The following SGCD variants were observed in gnomAD, a reference collection of about 807,000 sequenced individuals.
SGCD encodes the protein delta-sarcoglycan.
SGCD carries 18 observed loss-of-function variants against 36.6 expected under a neutral mutation model. The ratio of observed to expected loss-of-function variants is 0.49; its 90% confidence interval spans 0.34 to 0.73. The LOEUF (loss-of-function observed/expected upper bound fraction) is 0.73. Among genes scored for constraint, SGCD ranks in the 30% least tolerant of loss-of-function variants. SGCD has a pLI of 0.01. For missense variants in SGCD, 387 were observed against 346.7 expected, an observed-to-expected ratio of 1.12 and a Z score of -0.92; for synonymous variants, 133 against 130.6, an observed-to-expected ratio of 1.02 and a Z score of -0.12.
chr5:156,410,548 T>C (rs1772683490), intron 3 of SGCD, among the ~76,000 whole-genome samples: 1 of 152,226 alleles, frequency 6.6e-6, no homozygotes, highest in Admixed American at 6.5e-5. Flanking sequence ...TTTTTAAAGT[T>C]ACAGCTACCA....
At chr5:156,488,820 G>A (rs1755816487) in intron 3 of SGCD, among the ~76,000 whole-genome samples, 1 of 152,044 alleles carries the variant, frequency 6.6e-6, no homozygotes, top group Admixed American at 6.5e-5. Flanking sequence ...GGGAATAATG[G>A]AACAAAGTGT....
intron 1 of SGCD, among the ~76,000 whole-genome samples, chr5:156,072,205 G>T (rs1760594945): frequency 6.6e-6 from 1 of 152,110 alleles, no homozygotes; most frequent in Admixed American, 6.5e-5. Context: ...CTCCTTAGTT[G>T]ATGCAGTTTC....
At chr5:155,960,530 C>A (rs767937754) in intron 1 of SGCD, among the ~76,000 whole-genome samples, 13 of 152,036 alleles carry the variant, frequency 8.6e-5, no homozygotes, top group Non-Finnish European at 1.8e-4. Flanking sequence ...TAAACACATA[C>A]CCCTACCTTA....
intron 8 of SGCD, among the ~76,000 whole-genome samples, chr5:156,758,709 A>ATTT (rs1017823495): frequency 6.6e-6 from 1 of 151,842 alleles, no homozygotes; most frequent in Non-Finnish European, 1.5e-5. Context: ...ACAACTGCTT[A>ATTT]TTTTTATAGG....
intron 1 of SGCD, among the ~76,000 whole-genome samples, chr5:156,073,370 C>T (rs1301199643): frequency 6.6e-6 from 1 of 152,118 alleles, no homozygotes; most frequent in Non-Finnish European, 1.5e-5. Flanking sequence ...CCAGCCTGGG[C>T]AACATAGTGA....
intron 3 of SGCD, among the ~76,000 whole-genome samples, chr5:156,242,668 A>G (rs1430838740): frequency 2.1e-5 from 3 of 143,768 alleles, no homozygotes; most frequent in East Asian, 3.9e-4. Context: ...ATCAAAATAA[A>G]ACATTTAATT....
intron 4 of SGCD, among the ~76,000 whole-genome samples, chr5:156,522,530 A>G (rs1401039563): frequency 1.3e-5 from 2 of 152,078 alleles, no homozygotes; most frequent in African/African-American, 4.8e-5. Context: ...GGAGCTGAAC[A>G]ATGAGAACAT....
intron 3 of SGCD, among the ~76,000 whole-genome samples, chr5:156,147,525 A>G (rs943594925): frequency 2.0e-5 from 3 of 152,278 alleles, no homozygotes; most frequent in South Asian, 4.1e-4. Context: ...TTCTTGCTGC[A>G]TCACTCCCCG....
chr5:155,830,709 A>C, the SGCD span, among the ~76,000 whole-genome samples: 1 of 152,202 alleles, frequency 6.6e-6, no homozygotes, highest in African/African-American at 2.4e-5. Flanking sequence ...TTATTAATAA[A>C]TTGTCACTAT....
At chr5:155,735,080 A>G in the SGCD span, among the ~76,000 whole-genome samples, 1 of 152,180 alleles carries the variant, frequency 6.6e-6, no homozygotes, top group Middle Eastern at 3.2e-3. Context: ...TTTTTGGATG[A>G]CTAATTGAAA....
At chr5:155,834,346 T>A in the SGCD span, among the ~76,000 whole-genome samples, 4 of 152,218 alleles carry the variant, frequency 2.6e-5, no homozygotes, top group African/African-American at 4.8e-5. Context: ...GAACTCAGAA[T>A]AACTAAAGCA....
chr5:156,084,074 G>A (rs1007675153), intron 1 of SGCD, among the ~76,000 whole-genome samples: 1 of 152,078 alleles, frequency 6.6e-6, no homozygotes, highest in African/African-American at 2.4e-5. Flanking sequence ...GCTTCAAATA[G>A]TCAAGAACAT....
chr5:155,946,314 A>T (rs960836589), intron 1 of SGCD, among the ~76,000 whole-genome samples: 3 of 152,200 alleles, frequency 2.0e-5, no homozygotes. Context: ...AGTTGAGGAT[A>T]TTGAGGTACA....
At chr5:156,605,827 T>C (rs886820489) in intron 6 of SGCD, among the ~76,000 whole-genome samples, 5 of 152,362 alleles carry the variant, frequency 3.3e-5, no homozygotes. Context: ...TCATGTGTCT[T>C]TTGACTGCAT....
At chr5:156,457,947 C>G (rs544254570) in intron 3 of SGCD, among the ~76,000 whole-genome samples, 264 of 152,272 alleles carry the variant, frequency 1.7e-3, no homozygotes, top group Non-Finnish European at 3.0e-3. Flanking sequence ...GGACCTTTCC[C>G]AGCTATGCTA....
intron 3 of SGCD, among the ~76,000 whole-genome samples, chr5:156,387,710 C>T (rs1480253343): frequency 6.6e-6 from 1 of 152,076 alleles, no homozygotes; most frequent in Non-Finnish European, 1.5e-5. Context: ...GAAGAAAATG[C>T]ATTTTCAATA....
chr5:156,137,371 T>C (rs529348231), intron 3 of SGCD, among the ~76,000 whole-genome samples: 54 of 152,314 alleles, frequency 3.5e-4, no homozygotes, highest in Non-Finnish European at 5.7e-4. Context: ...ATTTAACTTA[T>C]CTCAATTCAA....
At chr5:156,579,612 T>A (rs1246549951) in intron 4 of SGCD, among the ~76,000 whole-genome samples, 1 of 152,248 alleles carries the variant, frequency 6.6e-6, no homozygotes, top group Non-Finnish European at 1.5e-5. Context: ...TGGGTGCATA[T>A]ATATTTAGGA....
At chr5:156,723,890 C>A (rs1304516435) in intron 7 of SGCD, among the ~76,000 whole-genome samples, 1 of 150,564 alleles carries the variant, frequency 6.6e-6, no homozygotes, top group Non-Finnish European at 1.5e-5. Context: ...TGCATGCATG[C>A]ATAATATGAG....
Sources: gnomAD v4.1 joint callset for allele counts (sites outside exome capture counted in the v4.1 genomes callset) on GRCh38, gnomAD v4.1.1 for gene constraint, MANE v1.5 for transcripts, NCBI Gene and HGNC (gene_info 2026-07-23, HGNC 2026-07-21) for gene names.